MAP7D3: variants seen among roughly 807,000 people sequenced by gnomAD.
MAP7D3 encodes MAP7 domain containing 3.
MAP7D3 carries 45 observed loss-of-function variants against 62.2 expected under a neutral mutation model. That is an observed-to-expected ratio of 0.72 (90% confidence interval 0.57 to 0.93). The LOEUF (loss-of-function observed/expected upper bound fraction) is 0.93, where lower values mean the gene tolerates loss of function less well. MAP7D3 is among the 40% of genes least tolerant of loss of function. MAP7D3 has a pLI of 0.00. For synonymous variants in MAP7D3, 288 were observed against 248.8 expected (o/e 1.16, Z -1.48); for missense variants, 711 against 683.1 (o/e 1.04, Z -0.45).
Position 136,217,143 on chromosome X carries a change from G to T in MAP7D3, c.*1383C>A, listed in dbSNP as rs73552969. 1 of 111,610 alleles carries T rather than the reference G, an allele frequency of 9.0e-6. No individual in the cohort carries two copies. Among genetic ancestry groups the T allele is most frequent in the African/African-American group, 3.3e-5 (1 of 30,765 alleles). 9.2% of individuals were successfully genotyped at this position (111,610 alleles called of 1,213,427 possible). On this transcript the variant is annotated 3_prime_UTR_variant, in exon 19 of 19. Coordinates refer to ENST00000316077, the MANE Select transcript of MAP7D3 (RefSeq NM_024597.4). Reference sequence around the variant, plus strand: ...ATTCAACACTGAAAACTCATTAGGAGAATTAATCTGCATTTGAATTTTATG... The same window carrying T: ...ATTCAACACTGAAAACTCATTAGGATAATTAATCTGCATTTGAATTTTATG...
At chrX:136,220,224 G>A (rs1156727753) in intron 16 of MAP7D3, among the ~76,000 whole-genome samples, 3 of 111,473 alleles carry the variant, frequency 2.7e-5, no homozygotes, top group Non-Finnish European at 5.6e-5. Context: ...TTGGGAGGCC[G>A]AGGTGGGCAG....
intron 1 of MAP7D3, among the ~76,000 whole-genome samples, chrX:136,249,263 T>A (rs181946640): frequency 2.5e-4 from 28 of 112,452 alleles, no homozygotes; most frequent in African/African-American, 8.7e-4. Flanking sequence ...AATCTAGCTG[T>A]CAATCTCCGT....
rs760262718 is a variant in MAP7D3, at chrX:136,230,596, G to T, written c.1542-3C>A. On this transcript the variant is annotated splice_region_variant and splice_polypyrimidine_tract_variant and intron_variant, in intron 9 of 18. Coordinates refer to ENST00000316077, the MANE Select transcript of MAP7D3 (RefSeq NM_024597.4). Reference sequence around the variant, plus strand: ...GGCAGTTCTTTTGGATTTGCCTGCTGAGAAAAAGTAATACACATTTGCTAA... The same window carrying T: ...GGCAGTTCTTTTGGATTTGCCTGCTTAGAAAAAGTAATACACATTTGCTAA... 1.1e-5 allele frequency: 12 copies of T among 1,134,445 alleles called. No homozygotes were observed. The highest frequency in any genetic ancestry group is 1.4e-5 in the Non-Finnish European group (12 of 830,925). 93.5% of individuals were successfully genotyped at this position (1,134,445 alleles called of 1,213,427 possible).
intron 10 of MAP7D3, 24 bp from the exon 11 acceptor site, chrX:136,228,782 C>A: frequency 8.8e-7 from 1 of 1,131,940 alleles, no homozygotes; most frequent in South Asian, 2.1e-5. Flanking sequence ...ATATGTGCAA[C>A]AGTTAAGAGA....
chrX:136,214,766 A>T, downstream of MAP7D3: 1 of 112,429 alleles, frequency 8.9e-6, no homozygotes, highest in East Asian at 2.8e-4. Context: ...ACAGGCGTAG[A>T]AAATGCGCTG....
chrX:136,223,367 A>G (rs1212673007), intron 14 of MAP7D3, among the ~76,000 whole-genome samples: 2 of 111,139 alleles, frequency 1.8e-5, no homozygotes, highest in Non-Finnish European at 3.8e-5. Context: ...TGCTCCATCA[A>G]AAGACATGAC....
upstream of MAP7D3, chrX:136,251,654 GCC>G: frequency 1.9e-6 from 1 of 536,153 alleles, no homozygotes; most frequent in Non-Finnish European, 2.3e-6. Context: ...ACCCAGCTTG[GCC>G]CCCCCAACAT....
Position 136,225,971 on chromosome X carries a change from G to A in MAP7D3, c.2077C>T (p.Arg693Cys), listed in dbSNP as rs765656182. The A allele has an allele frequency of 6.7e-6, 8 of 1,202,036 alleles. No individual in the cohort carries two copies. In the East Asian group the frequency reaches 8.9e-5, roughly 13 times the overall value. ...ATAATTCTCTCGTGTTCTTTCTTGC[G>A]TTTGTCAGCTTCCTCTTGAGCTTTT... is the stretch of plus-strand genomic sequence containing the variant. ...KIKAQEEADKRKKEHERIMLQ... is the reference protein window; with the variant it reads ...KIKAQEEADKCKKEHERIMLQ... Residue 693 changes from arginine to cysteine, a missense_variant, in exon 13 of 19, where the codon CGC (arginine) becomes TGC (cysteine). Physicochemically the swap from Arg to Cys is radical, Grantham distance 180. Transcript: ENST00000316077.
At chrX:136,244,914 A>G (rs2074430701) in intron 3 of MAP7D3, 119 bp from the exon 4 acceptor site, 1 of 510,869 alleles carries the variant, frequency 2.0e-6, no homozygotes, top group African/African-American at 2.3e-5. Flanking sequence ...AAAATAACAC[A>G]ACCTGTGCTA....
chrX:136,230,900 A>G lies in MAP7D3; in HGVS notation c.1480T>C (p.Cys494Arg). 1 of 1,198,778 alleles carries G rather than the reference A, an allele frequency of 8.3e-7. No homozygotes were observed. Among genetic ancestry groups the G allele is most frequent in the Non-Finnish European group, 1.1e-6 (1 of 884,181 alleles). ...AKKRLSSYTE[C>R]YKWSSSPENA... ...TCAGGAGATGATGACCATTTATAAC[A>G]CTCAGTGTATGATGATAGACGCTTC... Residue 494 changes from cysteine to arginine, a missense_variant, in exon 9 of 19, where the codon TGT becomes CGT. By Grantham distance (180) the Cys-to-Arg change is radical. Transcript: ENST00000316077.
At chrX:136,254,927 A>AC (rs968472648), upstream of MAP7D3, among the ~76,000 whole-genome samples, 4 of 111,246 alleles carry the variant, frequency 3.6e-5, no homozygotes, top group East Asian at 2.8e-4. Flanking sequence ...AAACAAACAA[A>AC]AAAAACGGCT....
intron 1 of MAP7D3, among the ~76,000 whole-genome samples, chrX:136,247,257 C>T (rs996548550): frequency 8.9e-6 from 1 of 112,024 alleles, no homozygotes; most frequent in South Asian, 3.7e-4. Flanking sequence ...ATCCCTGAAC[C>T]CTTTAATTCC....
At chrX:136,240,628 T>A in intron 5 of MAP7D3, 142 bp from the exon 6 acceptor site, 1 of 436,156 alleles carries the variant, frequency 2.3e-6, no homozygotes, top group Non-Finnish European at 4.0e-6. Context: ...TGCCCGTCAA[T>A]CCTTTTTTTT....
chrX:136,240,231 G>T, intron 6 of MAP7D3, 151 bp downstream of exon 6: 5 of 365,061 alleles, frequency 1.4e-5, no homozygotes, highest in East Asian at 4.6e-5. Flanking sequence ...AAAAAAGTAT[G>T]ACTATCTCTC....
At chrX:136,244,176 G>A (rs960705281) in intron 4 of MAP7D3, among the ~76,000 whole-genome samples, 2 of 111,361 alleles carry the variant, frequency 1.8e-5, no homozygotes, top group Non-Finnish European at 3.8e-5. Flanking sequence ...AAAGGAGAGC[G>A]AATGCCCTGA....
intron 15 of MAP7D3, among the ~76,000 whole-genome samples, chrX:136,221,281 G>T (rs2074124503): frequency 8.9e-6 from 1 of 111,825 alleles, no homozygotes; most frequent in African/African-American, 3.3e-5. Flanking sequence ...CCCCTCCCCT[G>T]ATCACTCACC....
chrX:136,232,042 T>TGCATCCA lies in MAP7D3; in HGVS notation c.908_914dup (p.Pro306GlyfsTer29), dbSNP rs2074277096. The TGCATCCA allele has an allele frequency of 8.3e-7, 1 of 1,207,886 alleles. No individual in the cohort carries two copies. The highest frequency in any genetic ancestry group is 1.1e-6 in the Non-Finnish European group (1 of 894,225). ...ATACTTCCACATTCACCTGGGGGGGTGCATCCACACTTGCCTTGGGAGGTG... is the reference window on the plus strand; with the variant it reads ...ATACTTCCACATTCACCTGGGGGGGTGCATCCAGCATCCACACTTGCCTTGGGAGGTG... On this transcript the variant is annotated frameshift_variant, in exon 8 of 19. Coordinates refer to ENST00000316077, the MANE Select transcript of MAP7D3 (RefSeq NM_024597.4). LOFTEE classifies it high-confidence loss of function.
At chrX:136,246,013 G>T in intron 3 of MAP7D3, 52 bp downstream of exon 3, 1 of 856,050 alleles carries the variant, frequency 1.2e-6, no homozygotes, top group Non-Finnish European at 1.7e-6. Flanking sequence ...AAAACACTTT[G>T]CAATATATAA....
At chrX:136,223,540 T>A (rs922570087) in intron 14 of MAP7D3, among the ~76,000 whole-genome samples, 7 of 110,601 alleles carry the variant, frequency 6.3e-5, no homozygotes, top group African/African-American at 2.3e-4. Flanking sequence ...ATACCTGCAA[T>A]ATATATATCC....
Sources: gnomAD v4.1 joint callset for allele counts (sites outside exome capture counted in the v4.1 genomes callset) on GRCh38, gnomAD v4.1.1 for gene constraint, MANE v1.5 for transcripts, NCBI Gene and HGNC (gene_info 2026-07-23, HGNC 2026-07-21) for gene names.